GRM7: variants seen among roughly 807,000 people sequenced by gnomAD.
GRM7 encodes the protein metabotropic glutamate receptor 7.
Under a neutral mutation model 84.5 loss-of-function variants are expected in GRM7, and 35 were observed. That is an observed-to-expected ratio of 0.41 (90% CI 0.32 to 0.55). The LOEUF (loss-of-function observed/expected upper bound fraction) is 0.55, where lower values mean the gene tolerates loss of function less well. GRM7 is among the 20% of genes least tolerant of loss of function. GRM7 has a pLI of 0.19. For missense variants in GRM7, 1,003 were observed against 1,194.6 expected, an observed-to-expected ratio of 0.84 and a Z score of 2.36; for synonymous variants, 487 against 455.1, an observed-to-expected ratio of 1.07 and a Z score of -0.89.
intron 8 of GRM7, among the ~76,000 whole-genome samples, chr3:7,599,061 C>A (rs545173196): frequency 6.6e-6 from 1 of 152,174 alleles, no homozygotes; most frequent in South Asian, 2.1e-4. Context: ...TGTAGTTAAG[C>A]CCTTTTATTA....
intron 4 of GRM7, among the ~76,000 whole-genome samples, chr3:7,338,722 C>A (rs889231019): frequency 2.0e-5 from 3 of 151,956 alleles, no homozygotes; most frequent in Admixed American, 2.0e-4. Context: ...GGAAAATTCT[C>A]TTCATTTGCT....
At chr3:7,414,886 ATTTT>A in intron 4 of GRM7, 133 bp from the exon 5 acceptor site, 1 of 454,140 alleles carries the variant, frequency 2.2e-6, no homozygotes, top group Non-Finnish European at 3.8e-6. Flanking sequence ...CCTTCTGTTA[ATTTT>A]TTTTTTTTTC....
At chr3:7,167,819 A>G (rs1329666741) in intron 2 of GRM7, among the ~76,000 whole-genome samples, 1 of 151,794 alleles carries the variant, frequency 6.6e-6, no homozygotes, top group African/African-American at 2.4e-5. Context: ...TATACAAAAG[A>G]TTAGCTAGGC....
rs573194280 is a variant in GRM7 at position 7,031,462 on chromosome 3, G to A, written c.520-114990G>A. Among the ~76,000 whole-genome samples the A allele has an allele frequency of 2.1e-4, 32 of 151,714 alleles. No individual in the cohort carries two copies. The South Asian group carries it at 6.3e-3, about 30-fold the overall frequency. On this transcript the variant is annotated intron_variant, in intron 1 of 9. Coordinates refer to ENST00000357716, the MANE Select transcript of GRM7 (RefSeq NM_000844.4). ...GATGGAGTCTTGCTCTGTCGCCCAG[G>A]CTAGAGTGCAGTGGCCTGATCTCGG...
intron 1 of GRM7, among the ~76,000 whole-genome samples, chr3:6,938,022 A>G (rs1697750397): frequency 6.6e-6 from 1 of 152,168 alleles, no homozygotes; most frequent in Admixed American, 6.6e-5. Context: ...GGCTATGATG[A>G]CACAATTACC....
intron 1 of GRM7, among the ~76,000 whole-genome samples, chr3:6,950,247 T>C (rs1692684840): frequency 6.6e-6 from 1 of 151,262 alleles, no homozygotes; most frequent in African/African-American, 2.4e-5. Flanking sequence ...GTAGATGTCC[T>C]TTCTGTTTGT....
intron 9 of GRM7, among the ~76,000 whole-genome samples, chr3:7,700,307 T>A (rs1701180756): frequency 6.6e-6 from 1 of 152,208 alleles, no homozygotes; most frequent in Non-Finnish European, 1.5e-5. Context: ...AAGCTGGAAT[T>A]GTAGGATCCA....
chr3:6,869,488 T>A (rs1695041685), intron 1 of GRM7, among the ~76,000 whole-genome samples: 1 of 152,176 alleles, frequency 6.6e-6, no homozygotes, highest in South Asian at 2.1e-4. Flanking sequence ...GCTGTTTAAT[T>A]ACCATAGTAG....
chr3:7,002,135 G>C (rs1018430564), intron 1 of GRM7, among the ~76,000 whole-genome samples: 9 of 152,282 alleles, frequency 5.9e-5, no homozygotes, highest in South Asian at 4.2e-4. Context: ...GTAGGAAAGA[G>C]ACAAATAATC....
rs144483532 is a variant in GRM7 at position 7,591,589 on chromosome 3, C to T, written c.2451+12232C>T. ...AAAGATAGAGGTACCAGAATGTTCA[C>T]GAGAATGTAAGTAGCTAACAAAAGG... On this transcript the variant is annotated intron_variant, in intron 8 of 9. Transcript: ENST00000357716. 7.9e-4 allele frequency: 289 copies of T among 366,120 alleles called. 1 individual carries two copies. Among genetic ancestry groups the T allele is most frequent in the African/African-American group, 5.3e-3 (246 of 46,592 alleles). The allele number at this position is 366,120 out of a possible 1,614,324, so 22.7% of individuals were successfully genotyped here.
intron 8 of GRM7, among the ~76,000 whole-genome samples, chr3:7,624,233 G>A (rs950832575): frequency 6.6e-6 from 1 of 152,092 alleles, no homozygotes; most frequent in Non-Finnish European, 1.5e-5. Flanking sequence ...AACCAGGCTG[G>A]AGGATCAGAA....
chr3:6,992,654 G>C (rs747248832), intron 1 of GRM7, among the ~76,000 whole-genome samples: 2 of 152,186 alleles, frequency 1.3e-5, no homozygotes, highest in Non-Finnish European at 2.9e-5. Flanking sequence ...TAGTGTGACT[G>C]AAACCCAGTA....
chr3:7,365,664 TACACACACGCACACACACACAC>T (rs1693856523), intron 4 of GRM7, among the ~76,000 whole-genome samples: 3 of 144,598 alleles, frequency 2.1e-5, no homozygotes, highest in South Asian at 2.2e-4. Context: ...TATATATATA[TACACACACGCACACACACACAC>T]ATATATATAC....
intron 1 of GRM7, among the ~76,000 whole-genome samples, chr3:7,048,981 T>C (rs1056966942): frequency 6.6e-6 from 1 of 152,008 alleles, no homozygotes; most frequent in Non-Finnish European, 1.5e-5. Flanking sequence ...ATAAAGCATT[T>C]CTAGAAGTTA....
In GRM7 at chr3:7,665,316, T is replaced by C. The variant is rs369061961; in HGVS notation, c.2452-14733T>C. The stretch of plus-strand genomic sequence containing the variant: ...CCTCCCGAGTAGCTGGGACTACAGG[T>C]GCCCGCCACCGCACCCGGCTAATTT... On this transcript the variant is annotated intron_variant, in intron 8 of 9. Transcript: ENST00000357716. Among the ~76,000 whole-genome samples the C allele has an allele frequency of 4.7e-3, 706 of 151,660 alleles. 7 individuals are homozygous for C. The highest frequency in any genetic ancestry group is 0.017 in the Middle Eastern group (5 of 292).
intron 2 of GRM7, among the ~76,000 whole-genome samples, chr3:7,268,495 T>C (rs1288959325): frequency 6.6e-6 from 1 of 152,074 alleles, no homozygotes; most frequent in Non-Finnish European, 1.5e-5. Flanking sequence ...AATATTGAAA[T>C]AAACTCACAA....
At chr3:7,713,082 T>TAATTC (rs1701636653) in intron 9 of GRM7, among the ~76,000 whole-genome samples, 1 of 149,800 alleles carries the variant, frequency 6.7e-6, no homozygotes, top group Non-Finnish European at 1.5e-5. Flanking sequence ...GACTTCTGAA[T>TAATTC]AAGGTCATAT....
intron 1 of GRM7, among the ~76,000 whole-genome samples, chr3:7,023,125 T>C (rs1322615316): frequency 6.6e-6 from 1 of 151,826 alleles, no homozygotes; most frequent in Admixed American, 6.6e-5. Context: ...GCAGATAGAG[T>C]CCTCCATGTC....
chr3:7,141,776 G>A (rs1693952330), intron 1 of GRM7, among the ~76,000 whole-genome samples: 1 of 151,474 alleles, frequency 6.6e-6, no homozygotes, highest in Non-Finnish European at 1.5e-5. Flanking sequence ...GAAGACCTAA[G>A]GATGTTTAAG....
Sources: gnomAD v4.1 joint callset for allele counts (sites outside exome capture counted in the v4.1 genomes callset) on GRCh38, gnomAD v4.1.1 for gene constraint, MANE v1.5 for transcripts, NCBI Gene and HGNC (gene_info 2026-07-23, HGNC 2026-07-21) for gene names.